APTX: variants seen among roughly 807,000 people sequenced by gnomAD.
The protein encoded by APTX is aprataxin, also known as forkhead-associated domain histidine triad-like protein.
APTX carries 33 observed loss-of-function variants against 42.3 expected under a neutral mutation model. That is an observed-to-expected ratio of 0.78 (90% confidence interval 0.59 to 1.04). The LOEUF is 1.04. APTX is among the 50% of genes least tolerant of loss of function. The probability of loss-of-function intolerance (pLI) is 0.00; values close to 1 mark genes in which losing one functional copy is unlikely to be tolerated. For synonymous variants in APTX, 130 were observed against 146.7 expected (o/e 0.89, Z 0.82); for missense variants, 421 against 415.1 (o/e 1.01, Z -0.12).
At chr9:32,999,430 T>C (rs1411367787) in intron 1 of APTX, among the ~76,000 whole-genome samples, 1 of 152,150 alleles carries the variant, frequency 6.6e-6, no homozygotes, top group Non-Finnish European at 1.5e-5. Flanking sequence ...ACGGGAAGTG[T>C]CAGAGATCTG....
At chr9:33,004,630 C>CTTTTTTTTTTTTTTTTT (rs3065216), upstream of APTX, among the ~76,000 whole-genome samples, 1 of 125,712 alleles carries the variant, frequency 8.0e-6, no homozygotes, top group Non-Finnish European at 1.6e-5. Context: ...CTTGCCAACC[C>CTTTTTTTTTTTTTTTTT]TTTTTTTTTT....
At chr9:33,006,061 G>T (rs1302753767), upstream of APTX, among the ~76,000 whole-genome samples, 1 of 148,952 alleles carries the variant, frequency 6.7e-6, no homozygotes, top group African/African-American at 2.5e-5. Flanking sequence ...TCTGCTCAGG[G>T]TTTTGTTGTT....
chr9:33,016,580 T>C (rs1837916210), intron 1 of APTX, among the ~76,000 whole-genome samples: 1 of 152,180 alleles, frequency 6.6e-6, no homozygotes, highest in Non-Finnish European at 1.5e-5. Context: ...TCTACCAGGC[T>C]GGAGCTTTAA....
In APTX at chr9:33,001,515, C is replaced by A. The variant is rs781753433; in HGVS notation, c.-5+52G>T. 4 of 1,612,328 alleles carry A rather than the reference C, an allele frequency of 2.5e-6. No individual in the cohort carries two copies. In the East Asian group the frequency reaches 8.9e-5, roughly 36 times the overall value. ...AGGAGCAGCCTCGGCCGAACGCTCA[C>A]CCGCGGCATTGAGCCCAGCCAGCAG... On this transcript the variant is annotated intron_variant, in intron 1 of 7. Transcript: ENST00000379817.
intron 2 of APTX, among the ~76,000 whole-genome samples, chr9:32,988,535 C>G (rs572393246): frequency 3.6e-4 from 54 of 151,870 alleles, no homozygotes; most frequent in African/African-American, 1.3e-3. Context: ...CAAAAATTAG[C>G]CAGGTGTGGT....
chr9:33,015,271 C>T (rs1008459201), intron 1 of APTX, among the ~76,000 whole-genome samples: 2 of 152,176 alleles, frequency 1.3e-5, no homozygotes, highest in African/African-American at 2.4e-5. Flanking sequence ...GTGTACACTG[C>T]GTGATGTGGG....
chr9:32,998,469 C>G (rs1835486580), intron 1 of APTX, among the ~76,000 whole-genome samples: 1 of 152,038 alleles, frequency 6.6e-6, no homozygotes, highest in African/African-American at 2.4e-5. Context: ...TGGAACCAAC[C>G]CAAATGCCCA....
chr9:33,024,428 G>A (rs527627805), intron 1 of APTX, among the ~76,000 whole-genome samples: 138 of 152,328 alleles, frequency 9.1e-4, no homozygotes, highest in Non-Finnish European at 1.4e-3. Flanking sequence ...GAGGTCTTAC[G>A]TTGCAGATTG....
chr9:32,985,886 C>T (rs888345131), intron 5 of APTX, 85 bp downstream of exon 5: 4 of 1,232,562 alleles, frequency 3.2e-6, no homozygotes, highest in Non-Finnish European at 4.7e-6. Flanking sequence ...GACTGATATC[C>T]TTTGATTTCA....
At chr9:32,996,214 G>A (rs541003497) in intron 1 of APTX, among the ~76,000 whole-genome samples, 1 of 151,878 alleles carries the variant, frequency 6.6e-6, no homozygotes, top group South Asian at 2.1e-4. Context: ...ACGTCTCTGA[G>A]GTATGCCTGT....
At chr9:33,005,304 A>G (rs1436723221), upstream of APTX, among the ~76,000 whole-genome samples, 2 of 152,168 alleles carry the variant, frequency 1.3e-5, no homozygotes, top group African/African-American at 4.8e-5. Context: ...TTTTGGTGTT[A>G]TATCCAAGAA....
chr9:33,021,142 A>G (rs888430080), intron 1 of APTX, among the ~76,000 whole-genome samples: 1 of 151,868 alleles, frequency 6.6e-6, no homozygotes, highest in Non-Finnish European at 1.5e-5. Context: ...AAAAAAAAAA[A>G]AAGAAAGTAT....
chr9:33,019,473 A>T (rs1268479470), intron 1 of APTX, among the ~76,000 whole-genome samples: 1 of 152,152 alleles, frequency 6.6e-6, no homozygotes, highest in Non-Finnish European at 1.5e-5. Context: ...GCCGATAAAA[A>T]TTTTTCTTTT....
At chr9:32,998,563 C>G (rs1490918019) in intron 1 of APTX, among the ~76,000 whole-genome samples, 1 of 152,112 alleles carries the variant, frequency 6.6e-6, no homozygotes, top group African/African-American at 2.4e-5. Context: ...AGTTCATGTC[C>G]TTTGCAGGGA....
chr9:32,980,439 T>A (rs1830430102), intron 6 of APTX: 1 of 160,606 alleles, frequency 6.2e-6, no homozygotes, highest in East Asian at 1.7e-4. Context: ...CCCAGCCAGC[T>A]GGAGGTGAGA....
intron 5 of APTX, among the ~76,000 whole-genome samples, chr9:32,985,493 C>T (rs762302483): frequency 6.6e-6 from 1 of 152,040 alleles, no homozygotes; most frequent in Non-Finnish European, 1.5e-5. Flanking sequence ...CACCACCATG[C>T]CCAGCTAATT....
intron 6 of APTX, among the ~76,000 whole-genome samples, chr9:32,984,213 C>A (rs1257368816): frequency 2.0e-5 from 3 of 152,132 alleles, no homozygotes; most frequent in Non-Finnish European, 4.4e-5. Context: ...TTTTCAAATC[C>A]TGGATCTACT....
intron 7 of APTX, 163 bp from the exon 8 acceptor site, chr9:32,973,815 G>C (rs2118218325): frequency 2.3e-6 from 2 of 873,690 alleles, no homozygotes; most frequent in Non-Finnish European, 1.8e-6. Flanking sequence ...GGCAAAATGA[G>C]CTTAATCAGA....
chr9:33,000,972 C>G (rs1836278373), intron 1 of APTX, among the ~76,000 whole-genome samples: 1 of 151,650 alleles, frequency 6.6e-6, no homozygotes, highest in East Asian at 1.9e-4. Flanking sequence ...CTCACCCTCC[C>G]GAGTAGCTGG....
Sources: allele counts gnomAD v4.1 joint callset (sites outside exome capture counted in the v4.1 genomes callset), GRCh38; gene constraint gnomAD v4.1.1; transcripts MANE v1.5; gene names NCBI Gene and HGNC (gene_info 2026-07-23, HGNC 2026-07-21).